Variants in ZNF202 observed in about 807,000 individuals in gnomAD.
ZNF202 encodes zinc finger protein with KRAB and SCAN domains 10.
A neutral mutation model predicts 54.5 loss-of-function variants in ZNF202; 22 were observed. The observed-to-expected ratio is 0.40, with a 90% CI of 0.29 to 0.58. ZNF202 has a LOEUF of 0.58. Among genes scored for constraint, ZNF202 ranks in the 20% least tolerant of loss-of-function variants. The pLI, the probability that ZNF202 is intolerant of heterozygous loss-of-function variation, is 0.39. For synonymous variants in ZNF202, 294 were observed against 301.4 expected (o/e 0.98, Z 0.26); for missense variants, 644 against 805.5 (o/e 0.80, Z 2.43).
Position 123,730,457 on chromosome 11 carries a change from A to T in ZNF202, c.402+30T>A. On this transcript the variant is annotated intron_variant, in intron 4 of 8. Transcript: ENST00000530393. This position sits in a 1 kb window ranked among gnomAD's most constrained non-coding sequence, Gnocchi z 6.0. ...CTTCCAGCAAATAGTCCCCCTCCAC[A>T]TCACACAGATCAGGACTCCCCCTCC... 4.7e-6 allele frequency: 7 copies of T among 1,500,688 alleles called. No homozygotes were observed. Among genetic ancestry groups the T allele is most frequent in the Non-Finnish European group, 6.2e-6 (7 of 1,126,488 alleles). 93.0% of individuals were successfully genotyped at this position (1,500,688 alleles called of 1,614,324 possible).
At chr11:123,729,511 A>C (rs1216848311) in intron 5 of ZNF202, 104 bp downstream of exon 5, 18 of 1,313,866 alleles carry the variant, frequency 1.4e-5, no homozygotes, top group Non-Finnish European at 1.7e-5. Context: ...CTTTCCATAC[A>C]GTCTATCTAC....
chr11:123,739,015 CCTT>C (rs1861749510), intron 3 of ZNF202: 1 of 152,248 alleles, frequency 6.6e-6, no homozygotes, highest in Non-Finnish European at 1.5e-5. Context: ...GCAAGGGTCT[CCTT>C]ATTCATTTTT....
chr11:123,730,375 G>T lies in ZNF202; in HGVS notation c.402+112C>A. On this transcript the variant is annotated intron_variant, in intron 4 of 8. Coordinates refer to ENST00000530393, the MANE Select transcript of ZNF202 (RefSeq NM_003455.4). The surrounding 1 kb of genome is among the most constrained non-coding windows in gnomAD (Gnocchi z 6.0). The stretch of plus-strand genomic sequence containing the variant: ...GGCTCATGGTATATGAGCAACCCAA[G>T]GGCAGAGCCCACTAATAATTTATGG... 7.3e-7 allele frequency: 1 copy of T among 1,373,320 alleles called. No homozygotes were observed. Among genetic ancestry groups the T allele is most frequent in the Non-Finnish European group, 9.7e-7 (1 of 1,030,022 alleles). 85.1% of individuals were successfully genotyped at this position (1,373,320 alleles called of 1,614,324 possible).
chr11:123,733,035 G>C (rs1861478507), intron 3 of ZNF202, among the ~76,000 whole-genome samples: 1 of 152,140 alleles, frequency 6.6e-6, no homozygotes, highest in Non-Finnish European at 1.5e-5. Flanking sequence ...GGATACATTG[G>C]AGAGATGACT....
At chr11:123,731,395 T>C (rs891222036) in intron 3 of ZNF202, among the ~76,000 whole-genome samples, 1 of 152,244 alleles carries the variant, frequency 6.6e-6, no homozygotes, top group African/African-American at 2.4e-5. Context: ...TACAACAGAA[T>C]TACCTGTGGA....
chr11:123,731,822 C>A (rs1861419672), intron 3 of ZNF202, among the ~76,000 whole-genome samples: 1 of 152,188 alleles, frequency 6.6e-6, no homozygotes, highest in Non-Finnish European at 1.5e-5. Flanking sequence ...ATAGTTCCAA[C>A]TATATTACTC....
intron 3 of ZNF202, chr11:123,739,535 G>A (rs1184342801): frequency 6.6e-6 from 1 of 152,116 alleles, no homozygotes; most frequent in African/African-American, 2.4e-5. Context: ...TGATCAAAAC[G>A]TGAAGCCCCT....
At chr11:123,727,059 G>C in intron 8 of ZNF202, 68 bp from the exon 9 acceptor site, 2 of 1,524,204 alleles carry the variant, frequency 1.3e-6, no homozygotes, top group Non-Finnish European at 1.8e-6. Flanking sequence ...ACAATGGGGA[G>C]ATTTTTACAA....
chr11:123,737,973 C>T (rs2137372671), intron 3 of ZNF202, among the ~76,000 whole-genome samples: 1 of 152,294 alleles, frequency 6.6e-6, no homozygotes, highest in African/African-American at 2.4e-5. Flanking sequence ...GCCTAGGATG[C>T]TGAGATTTAC....
intron 3 of ZNF202, among the ~76,000 whole-genome samples, chr11:123,737,364 T>C (rs1861674242): frequency 6.6e-6 from 1 of 152,250 alleles, no homozygotes; most frequent in African/African-American, 2.4e-5. Context: ...AAACTGTTTC[T>C]GTAAAATATT....
intron 3 of ZNF202, chr11:123,739,400 G>C (rs1176079187): frequency 6.6e-6 from 1 of 152,020 alleles, no homozygotes; most frequent in African/African-American, 2.4e-5. Context: ...CAAGGTGCTG[G>C]GCAAAGAAAG....
Position 123,741,117 on chromosome 11 carries a change from A to T in ZNF202, c.-294+432T>A, listed in dbSNP as rs190073527. Reference sequence around the variant, plus strand: ...TAGCCGGGGCAAGGAGCCCGCGGAGATGATCTTAAGCAATCTGAGAGGAGG... The same window carrying T: ...TAGCCGGGGCAAGGAGCCCGCGGAGTTGATCTTAAGCAATCTGAGAGGAGG... On this transcript the variant is annotated intron_variant, in intron 1 of 8. Transcript: ENST00000530393. 2.0e-5 allele frequency among the ~76,000 whole-genome samples: 3 copies of T among 152,162 alleles called. 1 individual carries two copies. The East Asian group carries it at 5.8e-4, about 30-fold the overall frequency.
chr11:123,727,624 A>G, intron 7 of ZNF202, 29 bp from the exon 8 acceptor site: 1 of 1,613,270 alleles, frequency 6.2e-7, no homozygotes, highest in Non-Finnish European at 8.5e-7. Flanking sequence ...ATAGGATATC[A>G]CGATTGGCTC....
rs1861375941 is a variant in ZNF202 at position 123,730,854 on chromosome 11, A to G, written c.35T>C (p.Leu12Pro). Reference sequence around the variant, plus strand: ...CATCAGAATTCCCTCTTCTTCCCAAAGATCCTGGTCCTCTGGTTCCACGGC... The same window carrying G: ...CATCAGAATTCCCTCTTCTTCCCAAGGATCCTGGTCCTCTGGTTCCACGGC... ...ATAVEPEDQD[L>P]WEEEGILMVK... Residue 12 changes from leucine to proline, a missense_variant, in exon 4 of 9, where the codon CTT becomes CCT. Around this residue, in one of 3 missense-constraint regions of ZNF202, gnomAD observed 46 missense variants for 47.4 expected, o/e 0.97. Transcript: ENST00000530393. This position sits in a 1 kb window ranked among gnomAD's most constrained non-coding sequence, Gnocchi z 6.0. The G allele has an allele frequency of 1.9e-6, 3 of 1,614,018 alleles. No homozygotes were observed. The Admixed American group carries it at 5.0e-5, about 27-fold the overall frequency.
At chr11:123,736,392 T>C (rs1861634483) in intron 3 of ZNF202, among the ~76,000 whole-genome samples, 1 of 152,210 alleles carries the variant, frequency 6.6e-6, no homozygotes, top group South Asian at 2.1e-4. Context: ...GATATTTATA[T>C]CCCTTCCAGT....
intron 3 of ZNF202, among the ~76,000 whole-genome samples, chr11:123,736,553 ATGC>A (rs1281746098): frequency 2.0e-5 from 3 of 152,220 alleles, no homozygotes; most frequent in African/African-American, 4.8e-5. Flanking sequence ...CTCTTTTCCA[ATGC>A]TGCTGCTGTT....
intron 1 of ZNF202, among the ~76,000 whole-genome samples, chr11:123,741,040 T>C (rs1432829842): frequency 7.0e-6 from 1 of 141,858 alleles, no homozygotes; most frequent in Non-Finnish European, 1.5e-5. Context: ...TGAGTGTATC[T>C]GGGTGTGTGC....
At chr11:123,727,376 T>C (rs566733515) in intron 8 of ZNF202, 100 bp downstream of exon 8, 78 of 1,515,530 alleles carry the variant, frequency 5.1e-5, no homozygotes, top group Admixed American at 1.1e-4. Context: ...GCTGACATGT[T>C]AGAAGAACTG....
intron 1 of ZNF202, among the ~76,000 whole-genome samples, chr11:123,741,068 C>T (rs1861842441): frequency 6.6e-6 from 1 of 151,142 alleles, no homozygotes; most frequent in Admixed American, 6.6e-5. Context: ...CTGAGGGGGG[C>T]TTGGTGGTGT....
Sources: gnomAD v4.1 joint callset for allele counts (sites outside exome capture counted in the v4.1 genomes callset) on GRCh38, gnomAD v4.1.1 for gene constraint, gnomAD v4.1.1 regional missense constraint, Gnocchi (gnomAD v3.1) non-coding constraint, MANE v1.5 for transcripts, NCBI Gene and HGNC (gene_info 2026-07-23, HGNC 2026-07-21) for gene names.